SFXN2: variants seen among roughly 807,000 people sequenced by gnomAD.
The protein encoded by SFXN2 is sideroflexin 2.
SFXN2 carries 37 observed loss-of-function variants against 41.9 expected under a neutral mutation model. That is an observed-to-expected ratio of 0.88 (90% CI 0.68 to 1.16). SFXN2 has a LOEUF of 1.16. Among genes scored for constraint, SFXN2 ranks in the 50% most tolerant of loss-of-function variants. The probability of loss-of-function intolerance (pLI) is 0.00; values close to 1 mark genes in which losing one functional copy is unlikely to be tolerated. For synonymous variants in SFXN2, 150 were observed against 156.7 expected (o/e 0.96, Z 0.32); for missense variants, 386 against 425.2 (o/e 0.91, Z 0.81).
At chr10:102,723,080 C>T (rs2064533976) in intron 1 of SFXN2, among the ~76,000 whole-genome samples, 2 of 151,102 alleles carry the variant, frequency 1.3e-5, no homozygotes, top group African/African-American at 4.9e-5. Context: ...TGCAGGTGTG[C>T]ACCACCACAC....
rs140285267 is a variant in SFXN2, at chr10:102,715,875, G to A, written c.-26+1194G>A. ...AGGCTGGAGGATTGCTTGAGCCCAGGAGCTATTATCACATCACTGTACTCC... is the reference window on the plus strand; with the variant it reads ...AGGCTGGAGGATTGCTTGAGCCCAGAAGCTATTATCACATCACTGTACTCC... On this transcript the variant is annotated intron_variant, in intron 1 of 11. Coordinates refer to ENST00000369893, the MANE Select transcript of SFXN2 (RefSeq NM_178858.6). Among the ~76,000 whole-genome samples the A allele has an allele frequency of 6.0e-3, 888 of 147,222 alleles. 4 individuals carry two copies. The highest frequency in any genetic ancestry group is 0.011 in the Middle Eastern group (3 of 272).
In SFXN2 at chr10:102,741,429, C is replaced by G. The variant is rs1842782104; in HGVS notation, c.*3667C>G. 6.6e-6 allele frequency: 1 copy of G among 152,138 alleles called. No homozygotes were observed. Among genetic ancestry groups the G allele is most frequent in the Non-Finnish European group, 1.5e-5 (1 of 68,054 alleles). 9.4% of individuals were successfully genotyped at this position (152,138 alleles called of 1,614,324 possible). On this transcript the variant is annotated 3_prime_UTR_variant, in exon 12 of 12. Coordinates refer to ENST00000369893, the MANE Select transcript of SFXN2 (RefSeq NM_178858.6). ...GCTAGAATAGCATGGGTAAAAGGTT[C>G]CATTGCTCGGGAGAGGAGGAGGAAG...
chr10:102,717,308 T>G (rs1457603183), intron 1 of SFXN2, among the ~76,000 whole-genome samples: 1 of 152,046 alleles, frequency 6.6e-6, no homozygotes, highest in Non-Finnish European at 1.5e-5. Flanking sequence ...ATTTTTTGTA[T>G]TTTTAGTAGA....
chr10:102,715,672 G>A (rs906363809), intron 1 of SFXN2, among the ~76,000 whole-genome samples: 2 of 152,130 alleles, frequency 1.3e-5, no homozygotes, highest in African/African-American at 2.4e-5. Flanking sequence ...GCGGCCAGGC[G>A]CAGTGGCTCA....
At chr10:102,721,809 T>G (rs1027360033) in intron 1 of SFXN2, among the ~76,000 whole-genome samples, 14 of 152,080 alleles carry the variant, frequency 9.2e-5, no homozygotes, top group Admixed American at 3.9e-4. Context: ...TGTTGCCCCA[T>G]GTTATGTTTT....
intron 6 of SFXN2, 27 bp downstream of exon 6, chr10:102,729,835 A>G: frequency 3.1e-6 from 5 of 1,611,440 alleles, no homozygotes; most frequent in Non-Finnish European, 4.2e-6. Context: ...TTTTCTCCCT[A>G]CAAACCACAA....
chr10:102,721,215 C>G (rs930025232), intron 1 of SFXN2, among the ~76,000 whole-genome samples: 5 of 151,808 alleles, frequency 3.3e-5, no homozygotes, highest in African/African-American at 1.2e-4. Flanking sequence ...TATTATATTA[C>G]GTCAGCATTA....
chr10:102,719,060 A>T (rs1213419805), intron 1 of SFXN2, among the ~76,000 whole-genome samples: 2 of 149,472 alleles, frequency 1.3e-5, no homozygotes, highest in African/African-American at 2.5e-5. Context: ...AGTAGCTGGG[A>T]TTACAGGCGC....
In SFXN2 at chr10:102,730,652, G is replaced by A. The variant is rs556682833; in HGVS notation, c.593+844G>A. 4.6e-5 allele frequency among the ~76,000 whole-genome samples: 7 copies of A among 152,302 alleles called. No homozygotes were observed. The South Asian group carries it at 1.2e-3, about 27-fold the overall frequency. On this transcript the variant is annotated intron_variant, in intron 6 of 11. Transcript: ENST00000369893. Reference sequence around the variant, plus strand: ...TGAGTGCTGTCAAGAACTGGCCTGAGAAGAACAGCTGGGGTGGGCTGGGTG... The same window carrying A: ...TGAGTGCTGTCAAGAACTGGCCTGAAAAGAACAGCTGGGGTGGGCTGGGTG...
intron 3 of SFXN2, among the ~76,000 whole-genome samples, 157 bp downstream of exon 3, chr10:102,727,314 C>G (rs1174473830): frequency 6.6e-6 from 1 of 152,168 alleles, no homozygotes; most frequent in African/African-American, 2.4e-5. Flanking sequence ...ATTTAACCCT[C>G]GCAACAACCC....
rs1160914576 is a variant in SFXN2 at position 102,732,858 on chromosome 10, G to T, written c.722-1G>T. On this transcript the variant is annotated splice_acceptor_variant, in intron 8 of 11. Coordinates refer to ENST00000369893, the MANE Select transcript of SFXN2 (RefSeq NM_178858.6). LOFTEE classifies it high-confidence loss of function. ...CTCAGCTTCTCCCTGGTCTCTTCCA[G>T]TCTTGCTGCCAGTCATCATGGAAAG... is the stretch of plus-strand genomic sequence containing the variant. 1 of 1,614,024 alleles carries T rather than the reference G, an allele frequency of 6.2e-7. No individual in the cohort carries two copies. The highest frequency in any genetic ancestry group is 1.3e-5 in the African/African-American group (1 of 74,928).
Position 102,741,633 on chromosome 10 carries a change from G to A in SFXN2, c.*3871G>A, listed in dbSNP as rs967703887. On this transcript the variant is annotated 3_prime_UTR_variant, in exon 12 of 12. Coordinates refer to ENST00000369893, the MANE Select transcript of SFXN2 (RefSeq NM_178858.6). The stretch of plus-strand genomic sequence containing the variant: ...TTTCCCAGGTTGGTCTTGAACCCCT[G>A]ACCTCAAGCAATCCTCATGCCTTGG... 4 of 152,242 alleles carry A rather than the reference G, an allele frequency of 2.6e-5. No homozygotes were observed. Among genetic ancestry groups the A allele is most frequent in the Non-Finnish European group, 5.9e-5 (4 of 68,062 alleles). 9.4% of individuals were successfully genotyped at this position (152,242 alleles called of 1,614,324 possible).
intron 1 of SFXN2, among the ~76,000 whole-genome samples, chr10:102,726,069 C>T (rs2064587737): frequency 6.6e-6 from 1 of 152,082 alleles, no homozygotes; most frequent in Admixed American, 6.6e-5. Context: ...TCTGCCTCAG[C>T]CTCCTGAGTA....
chr10:102,735,885 C>A lies in SFXN2; in HGVS notation c.845C>A (p.Ala282Glu). ...AGCCTCATCTTCATGGTGCCAGTGGCGTGTGGGCTTTTCCCACAGAAATGG... is the reference window on the plus strand; with the variant it reads ...AGCCTCATCTTCATGGTGCCAGTGGAGTGTGGGCTTTTCCCACAGAAATGG... ...GCFLIFMVPVACGLFPQKCEL... is the reference protein window; with the variant it reads ...GCFLIFMVPVECGLFPQKCEL... The change falls in exon 11 of 12, where the codon GCG becomes GAG. Residue 282 changes from alanine (A) to glutamate (E), a missense_variant. Ala to Glu is a moderately radical substitution (Grantham distance 107). Coordinates refer to ENST00000369893, the MANE Select transcript of SFXN2 (RefSeq NM_178858.6). 2 of 1,614,128 alleles carry A rather than the reference C, an allele frequency of 1.2e-6. No individual in the cohort carries two copies. The highest frequency in any genetic ancestry group is 1.7e-6 in the Non-Finnish European group (2 of 1,180,012).
At position 102,742,603 on chromosome 10, in the gene SFXN2, G is replaced by C. The variant is rs1345686194; in HGVS notation, c.*4841G>C. 1 of 152,090 alleles carries C rather than the reference G, an allele frequency of 6.6e-6. No homozygotes were observed. The allele number at this position is 152,090 out of a possible 1,614,324, so 9.4% of individuals were successfully genotyped here. A position where few individuals can be genotyped will look rare whatever the true frequency, so the allele number is the denominator to read the frequency against. ...CCCAAGTAGCTGGGACTACAAGTGT[G>C]CACCACCATGCTTGGCTAATTTGGC... On this transcript the variant is annotated 3_prime_UTR_variant, in exon 12 of 12. Coordinates refer to ENST00000369893, the MANE Select transcript of SFXN2 (RefSeq NM_178858.6).
chr10:102,726,685 C>G lies in SFXN2; in HGVS notation c.49C>G (p.Gln17Glu). ...TAACATCGATGCCCCCCGTTGGGAC[C>G]AGCGCACCTTCCTGGGGAGAGTGAA... is the stretch of plus-strand genomic sequence containing the variant. Reference protein sequence around the residue: ...GFNIDAPRWDQRTFLGRVKHF... With the variant: ...GFNIDAPRWDERTFLGRVKHF... Residue 17 changes from glutamine (Q) to glutamate (E), a missense_variant, in exon 2 of 12, where the codon CAG becomes GAG. Physicochemically the swap from Gln to Glu is conservative, Grantham distance 29. Coordinates refer to ENST00000369893, the MANE Select transcript of SFXN2 (RefSeq NM_178858.6). 6.2e-7 allele frequency: 1 copy of G among 1,614,218 alleles called. No homozygotes were observed. The highest frequency in any genetic ancestry group is 8.5e-7 in the Non-Finnish European group (1 of 1,180,036).
chr10:102,716,117 G>A (rs1456020026), intron 1 of SFXN2: 1 of 152,110 alleles, frequency 6.6e-6, no homozygotes, highest in African/African-American at 2.4e-5. Flanking sequence ...AAAAGGCAAG[G>A]GAGGTTGCTC....
At position 102,737,994 on chromosome 10, in the gene SFXN2, A is replaced by C; in HGVS notation, c.*232A>C. ...CCAATGTCTTCTAGCTGCTTCCTCA[A>C]CCCCTGTCCCCTGGAGACCAGAAGC... On this transcript the variant is annotated 3_prime_UTR_variant, in exon 12 of 12. Transcript: ENST00000369893. 6.9e-6 allele frequency: 2 copies of C among 291,922 alleles called. No homozygotes were observed. The highest frequency in any genetic ancestry group is 1.3e-5 in the Non-Finnish European group (2 of 156,084). The allele number at this position is 291,922 out of a possible 1,614,324, so 18.1% of individuals were successfully genotyped here.
chr10:102,725,664 A>G (rs1050713291), intron 1 of SFXN2, among the ~76,000 whole-genome samples: 1 of 152,118 alleles, frequency 6.6e-6, no homozygotes, highest in Non-Finnish European at 1.5e-5. Context: ...AGGCCGAGGC[A>G]GAAGGATTGC....
Sources: gnomAD v4.1 joint callset for allele counts (sites outside exome capture counted in the v4.1 genomes callset) on GRCh38, gnomAD v4.1.1 for gene constraint, MANE v1.5 for transcripts, NCBI Gene and HGNC (gene_info 2026-07-23, HGNC 2026-07-21) for gene names.